Variants in PTPRN2 observed in about 807,000 individuals in gnomAD.
PTPRN2 encodes the protein receptor-type tyrosine-protein phosphatase N2.
Under a neutral mutation model 118.8 loss-of-function variants are expected in PTPRN2, and 74 were observed. The observed-to-expected ratio is 0.62, with a 90% confidence interval of 0.52 to 0.76. The LOEUF is 0.76. Among genes scored for constraint, PTPRN2 ranks in the 30% least tolerant of loss-of-function variants. PTPRN2 has a pLI of 0.00. For missense variants in PTPRN2, 1,481 were observed against 1,394.4 expected (o/e 1.06, Z -0.99); for synonymous variants, 641 against 608.0 (o/e 1.05, Z -0.80).
intron 1 of PTPRN2, among the ~76,000 whole-genome samples, chr7:158,578,488 C>T (rs529848368): frequency 1.4e-5 from 2 of 145,246 alleles, no homozygotes; most frequent in East Asian, 4.2e-4. Context: ...TGAACTATGA[C>T]TATGCCACTG....
At chr7:157,781,308 G>A (rs78944202) in intron 12 of PTPRN2, among the ~76,000 whole-genome samples, 5,416 of 152,208 alleles carry the variant, frequency 0.036, 322 homozygotes, top group African/African-American at 0.12. Flanking sequence ...GGACATGTCC[G>A]GACCAAAACA....
chr7:157,945,737 A>G (rs976211097), intron 11 of PTPRN2, among the ~76,000 whole-genome samples: 16 of 43,786 alleles, frequency 3.7e-4, no homozygotes, highest in African/African-American at 1.1e-3. Context: ...CAGCTTGGAC[A>G]ATGCCACCTC....
intron 2 of PTPRN2, among the ~76,000 whole-genome samples, chr7:158,405,137 G>T (rs564679601): frequency 2.0e-5 from 3 of 152,236 alleles, no homozygotes; most frequent in African/African-American, 7.2e-5. Flanking sequence ...TTGTTACAGG[G>T]TTTCCCCATC....
At chr7:158,040,640 T>C (rs1808392983) in intron 11 of PTPRN2, among the ~76,000 whole-genome samples, 1 of 151,828 alleles carries the variant, frequency 6.6e-6, no homozygotes, top group South Asian at 2.1e-4. Flanking sequence ...TCCAGTGAAA[T>C]AATACTTCAA....
At position 158,441,183 on chromosome 7, in the gene PTPRN2, G is replaced by A. The variant is rs903825900; in HGVS notation, c.163+48552C>T. ...GATGGTGATAGCAGTGGTGGCAGTG[G>A]TGGTGATAGTGATGGTGATGGTGGT... On this transcript the variant is annotated intron_variant, in intron 2 of 22. Coordinates refer to ENST00000389418, the MANE Select transcript of PTPRN2 (RefSeq NM_002847.5). Among the ~76,000 whole-genome samples, 9 of 147,868 alleles carry A rather than the reference G, an allele frequency of 6.1e-5. No individual in the cohort carries two copies. In the South Asian group the frequency reaches 8.5e-4, roughly 14 times the overall value.
intron 6 of PTPRN2, among the ~76,000 whole-genome samples, chr7:158,165,227 C>G (rs1195112892): frequency 8.6e-6 from 1 of 116,070 alleles, no homozygotes; most frequent in East Asian, 2.9e-4. Context: ...CTAGTACCCA[C>G]GCAAGTGCAG....
At chr7:158,205,483 T>C (rs1231724400) in intron 3 of PTPRN2, among the ~76,000 whole-genome samples, 1 of 152,200 alleles carries the variant, frequency 6.6e-6, no homozygotes, top group African/African-American at 2.4e-5. Flanking sequence ...GATGCTCTGC[T>C]GCATTAATAG....
At chr7:158,060,549 A>G (rs1195239988) in intron 11 of PTPRN2, among the ~76,000 whole-genome samples, 1 of 152,160 alleles carries the variant, frequency 6.6e-6, no homozygotes, top group Non-Finnish European at 1.5e-5. Flanking sequence ...ATTGGGACCC[A>G]CCCTCATGGA....
At position 158,263,150 on chromosome 7, in the gene PTPRN2, GCACA is replaced by G. The variant is rs201693718; in HGVS notation, c.277+53665_277+53668del. 2.9e-5 allele frequency among the ~76,000 whole-genome samples: 4 copies of G among 135,656 alleles called. No individual in the cohort carries two copies. In the East Asian group the frequency reaches 6.7e-4, roughly 23 times the overall value. The allele number at this position is 135,656 out of a possible 152,430, so 89.0% of individuals were successfully genotyped here. ...ACACATATACACACATTCACACACT[GCACA>G]CAGTCACACATTCACACACACTGCA... On this transcript the variant is annotated intron_variant, in intron 3 of 22. Coordinates refer to ENST00000389418, the MANE Select transcript of PTPRN2 (RefSeq NM_002847.5).
chr7:157,846,333 A>G (rs989835005), intron 12 of PTPRN2, among the ~76,000 whole-genome samples: 2 of 152,140 alleles, frequency 1.3e-5, no homozygotes, highest in Admixed American at 6.5e-5. Flanking sequence ...TGAACCTAAG[A>G]ACAGTCCGTT....
At chr7:157,840,848 G>A (rs949312526) in intron 12 of PTPRN2, among the ~76,000 whole-genome samples, 9 of 152,346 alleles carry the variant, frequency 5.9e-5, no homozygotes, top group African/African-American at 7.2e-5. Context: ...ACCCCTCCAG[G>A]AGCCAGAAGT....
At chr7:158,547,728 T>C (rs1424471690) in intron 1 of PTPRN2, among the ~76,000 whole-genome samples, 1 of 152,114 alleles carries the variant, frequency 6.6e-6, no homozygotes, top group African/African-American at 2.4e-5. Context: ...CAAGGGACTT[T>C]CCATGCAGGG....
chr7:158,143,607 C>T (rs890334062), intron 6 of PTPRN2, among the ~76,000 whole-genome samples: 8 of 152,286 alleles, frequency 5.3e-5, no homozygotes, highest in Non-Finnish European at 1.0e-4. Flanking sequence ...CCTGTGGACA[C>T]GAACCAATGA....
intron 2 of PTPRN2, among the ~76,000 whole-genome samples, chr7:158,462,175 A>C (rs1209588976): frequency 2.8e-5 from 4 of 143,836 alleles, no homozygotes; most frequent in Non-Finnish European, 6.1e-5. Flanking sequence ...CTATATCTCC[A>C]AATAAAAATA....
At chr7:158,341,120 CG>C (rs1806674885) in intron 2 of PTPRN2, among the ~76,000 whole-genome samples, 1 of 21,616 alleles carries the variant, frequency 4.6e-5, no homozygotes, top group Non-Finnish European at 1.0e-4. Flanking sequence ...CACACCCACA[CG>C]TCACTCACAC....
At chr7:158,330,770 ACCCG>A (rs1804206995) in intron 2 of PTPRN2, among the ~76,000 whole-genome samples, 1 of 97,694 alleles carries the variant, frequency 1.0e-5, no homozygotes, top group African/African-American at 3.6e-5. Flanking sequence ...AAGAGCTGAC[ACCCG>A]CAGACGTCAC....
chr7:158,578,247 T>G (rs1828441769), intron 1 of PTPRN2, among the ~76,000 whole-genome samples: 1 of 152,086 alleles, frequency 6.6e-6, no homozygotes, highest in African/African-American at 2.4e-5. Context: ...CTACTCAAAC[T>G]TGTAAGAAAT....
At chr7:158,283,763 G>A (rs957557114) in intron 3 of PTPRN2, among the ~76,000 whole-genome samples, 3 of 151,980 alleles carry the variant, frequency 2.0e-5, no homozygotes, top group Non-Finnish European at 4.4e-5. Flanking sequence ...CCACTCCTCA[G>A]GCCACTCAAA....
At chr7:157,580,582 GCACACCCCAGCACCTGCACACCCC>G (rs1800306070) in intron 17 of PTPRN2, among the ~76,000 whole-genome samples, 1 of 137,896 alleles carries the variant, frequency 7.3e-6, no homozygotes, top group African/African-American at 2.8e-5. Flanking sequence ...CCGAGCCCCT[GCACACCCCAGCACCTGCACACCCC>G]AGCCCCTGCA....
Sources: gnomAD v4.1 joint callset for allele counts (sites outside exome capture counted in the v4.1 genomes callset) on GRCh38, gnomAD v4.1.1 for gene constraint, MANE v1.5 for transcripts, NCBI Gene and HGNC (gene_info 2026-07-23, HGNC 2026-07-21) for gene names.